Variants in TTN observed in about 807,000 individuals in gnomAD.
The protein encoded by TTN is connectin.
TTN carries 1,525 observed loss-of-function variants against 3,223.0 expected under a neutral mutation model. The observed-to-expected ratio is 0.47, with a 90% CI of 0.45 to 0.49. TTN has a LOEUF of 0.49. Ranked by LOEUF, TTN falls within the 20% of genes least tolerant of loss-of-function variation. The probability of loss-of-function intolerance (pLI) is 0.00; values close to 1 mark genes in which losing one functional copy is unlikely to be tolerated. For synonymous variants in TTN, 14,094 were observed against 15,161.0 expected (o/e 0.93, Z 5.17); for missense variants, 40,786 against 43,424.0 (o/e 0.94, Z 5.40).
intron 6 of TTN, chr2:178,799,144 G>C: frequency 3.3e-6 from 1 of 305,234 alleles, no homozygotes; most frequent in Non-Finnish European, 6.4e-6. Flanking sequence ...GGTCCCTAGC[G>C]AGGCCTGTGC....
intron 161 of TTN, 36 bp from the exon 162 acceptor site, chr2:178,667,355 G>A: frequency 6.4e-7 from 1 of 1,570,098 alleles, no homozygotes; most frequent in Non-Finnish European, 8.7e-7. Context: ...TTTAAAAGTT[G>A]TAAAAACAGT....
Position 178,792,148 on chromosome 2 carries a change from G to A in TTN, c.1586C>T (p.Ala529Val). ...AGTTTCTTGTTCTTTGGCTTTAGCT[G>A]CGGAAATTACTACCTTTGGTACAAA... ...KTFVPKVVIS[A>V]AKAKEQETRI... Residue 529 changes from alanine (A) to valine (V), a missense_variant, in exon 10 of 363, where the codon GCA becomes GTA. Coordinates refer to ENST00000589042, the MANE Select transcript of TTN (RefSeq NM_001267550.2). The A allele has an allele frequency of 6.2e-7, 1 of 1,611,876 alleles. No individual in the cohort carries two copies. Among genetic ancestry groups the A allele is most frequent in the Non-Finnish European group, 8.5e-7 (1 of 1,179,430 alleles).
Position 178,694,828 on chromosome 2 carries a change from C to A in TTN, c.31348+1G>T. 1.9e-6 allele frequency: 3 copies of A among 1,555,334 alleles called. No homozygotes were observed. Among genetic ancestry groups the A allele is most frequent in the Non-Finnish European group, 2.6e-6 (3 of 1,147,524 alleles). On this transcript the variant is annotated splice_donor_variant, in intron 116 of 362. Transcript: ENST00000589042. LOFTEE classifies it high-confidence loss of function. Reference sequence around the variant, plus strand: ...GGTGCTAGGAATGTTTTAAATAATACCTTTGGTGACTTGAACTTTTTCTTC... The same window carrying A: ...GGTGCTAGGAATGTTTTAAATAATAACTTTGGTGACTTGAACTTTTTCTTC...
intron 56 of TTN, 29 bp downstream of exon 56, chr2:178,732,411 C>G (rs1212886494): frequency 6.3e-7 from 1 of 1,585,778 alleles, no homozygotes; most frequent in Admixed American, 1.8e-5. Context: ...ACAAGGTTAG[C>G]ACAAAGATGT....
Position 178,593,082 on chromosome 2 carries a change from A to G in TTN, c.59037T>C (p.Ala19679=). The change falls in exon 300 of 363, where the codon GCT becomes GCC. Residue 19679 remains alanine (A), a splice_region_variant and synonymous_variant. Coordinates refer to ENST00000589042, the MANE Select transcript of TTN (RefSeq NM_001267550.2). ...SKPVFAKDPI[A]KPSPPVNPEA... The stretch of plus-strand genomic sequence containing the variant: ...CAGGATTAACAGGTGGACTTGGTTT[A>G]GCTAAAAAATAAAAGTAAAAAACGA... 6.2e-7 allele frequency: 1 copy of G among 1,611,412 alleles called. No individual in the cohort carries two copies. The highest frequency in any genetic ancestry group is 8.5e-7 in the Non-Finnish European group (1 of 1,179,140).
Position 178,565,859 on chromosome 2 carries a change from A to C in TTN, c.80273T>G (p.Met26758Arg). The C allele has an allele frequency of 6.2e-7, 1 of 1,613,642 alleles. No individual in the cohort carries two copies. The highest frequency in any genetic ancestry group is 1.1e-5 in the South Asian group (1 of 91,068). Reference protein sequence around the residue: ...TEGAIYYFRVMAENEFGVGVP... With the variant: ...TEGAIYYFRVRAENEFGVGVP... ...ACCAACTCCAAATTCATTTTCAGCC[A>C]TGACTCTGAAGTAATAAATGGCTCC... Residue 26758 changes from methionine to arginine, a missense_variant, in exon 326 of 363, where the codon ATG becomes AGG. Coordinates refer to ENST00000589042, the MANE Select transcript of TTN (RefSeq NM_001267550.2).
At chr2:178,734,652 T>G (rs1166141559) in intron 51 of TTN, 46 bp from the exon 52 acceptor site, 3 of 1,565,762 alleles carry the variant, frequency 1.9e-6, no homozygotes, top group African/African-American at 1.4e-5. Context: ...TAATAAGTAA[T>G]TAAAAGGGAA....
At chr2:178,745,262 C>A (rs1574145433) in intron 47 of TTN, 5 of 1,163,426 alleles carry the variant, frequency 4.3e-6, no homozygotes, top group South Asian at 4.7e-5. Flanking sequence ...AAAGAGAGTC[C>A]ATTCCACTGA....
rs757317543 is a variant in TTN, at chr2:178,536,187, A to G, written c.100560T>C (p.Thr33520=). 6.2e-7 allele frequency: 1 copy of G among 1,613,558 alleles called. No homozygotes were observed. The highest frequency in any genetic ancestry group is 2.2e-5 in the East Asian group (1 of 44,854). ...QSNATLVCKV[T]GHPKPIVKWY... ...ATTTGACGATAGGTTTTGGATGACC[A>G]GTCACTTTGCAGACCAAGGTAGCAT... The change falls in exon 357 of 363, where the codon ACT becomes ACC. Residue 33520 remains threonine, a synonymous_variant. Transcript: ENST00000589042.
Position 178,633,953 on chromosome 2 carries a change from A to G in TTN, c.42546T>C (p.His14182=). 6.2e-7 allele frequency: 1 copy of G among 1,613,390 alleles called. No homozygotes were observed. The highest frequency in any genetic ancestry group is 8.5e-7 in the Non-Finnish European group (1 of 1,179,542). Residue 14182 remains histidine (H), a synonymous_variant, in exon 231 of 363, where the codon CAT becomes CAC. Transcript: ENST00000589042. The part of the protein sequence containing the change: ...VVWFKNDAKL[H]TSRTVLISSE... ...AAGAGATGAGTACTGTTCTGCTTGT[A>G]TGGAGTTTGGCATCATTTTTGAACC...
At chr2:178,663,792 C>A in intron 170 of TTN, 27 bp downstream of exon 170, 1 of 1,613,160 alleles carries the variant, frequency 6.2e-7, no homozygotes, top group South Asian at 1.1e-5. Context: ...AGAATGAGAT[C>A]TGAAGCCTAA....
At chr2:178,724,790 A>G in intron 71 of TTN, 1 of 330,888 alleles carries the variant, frequency 3.0e-6, no homozygotes, top group East Asian at 4.9e-5. Context: ...CTTATGTAGC[A>G]ATTATTCTTA....
At position 178,732,434 on chromosome 2, in the gene TTN, G is replaced by A. The variant is rs1368500221; in HGVS notation, c.16621+6C>T. On this transcript the variant is annotated splice_donor_region_variant and intron_variant, in intron 56 of 362. Coordinates refer to ENST00000589042, the MANE Select transcript of TTN (RefSeq NM_001267550.2). ...AGCACAAAGATGTCAAGAAAACAAT[G>A]CAAACCTTTTACAAACAAGTTTGCA... 1.3e-6 allele frequency: 2 copies of A among 1,595,852 alleles called. No individual in the cohort carries two copies. The highest frequency in any genetic ancestry group is 2.7e-5 in the African/African-American group (2 of 74,034).
chr2:178,539,723 C>T lies in TTN; in HGVS notation c.98342G>A (p.Cys32781Tyr), dbSNP rs1252559965. ...GTYDLVLENK[C>Y]GKKAVYIKVR... ...CTTGATGTAGACAGCCTTCTTGCCA[C>T]ATTTATTTTCCAGAACCAGGTCATA... is the stretch of plus-strand genomic sequence containing the variant. Residue 32781 changes from cysteine (C) to tyrosine (Y), a missense_variant, in exon 352 of 363, where the codon TGT becomes TAT. Transcript: ENST00000589042. 4.3e-6 allele frequency: 7 copies of T among 1,613,694 alleles called. No homozygotes were observed. Among genetic ancestry groups the T allele is most frequent in the Non-Finnish European group, 5.9e-6 (7 of 1,179,784 alleles).
chr2:178,544,262 G>C lies in TTN; in HGVS notation c.95967C>G (p.Asn31989Lys), dbSNP rs775762346. 5 of 1,613,600 alleles carry C rather than the reference G, an allele frequency of 3.1e-6. No homozygotes were observed. Among genetic ancestry groups the C allele is most frequent in the Non-Finnish European group, 4.2e-6 (5 of 1,179,740 alleles). ...QKYSFRVAAV[N>K]VKGMSEYSES... The stretch of plus-strand genomic sequence containing the variant: ...CGCTGTATTCGCTCATACCCTTCAC[G>C]TTCACGGCAGCAACTCTGAAGGAAT... Residue 31989 changes from asparagine to lysine, a missense_variant, in exon 345 of 363, where the codon AAC becomes AAG. By Grantham distance (94) the Asn-to-Lys change is moderately conservative. Coordinates refer to ENST00000589042, the MANE Select transcript of TTN (RefSeq NM_001267550.2).
At chr2:178,765,634 C>A (rs2090237350) in intron 41 of TTN, among the ~76,000 whole-genome samples, 1 of 152,154 alleles carries the variant, frequency 6.6e-6, no homozygotes, top group African/African-American at 2.4e-5. Flanking sequence ...CTTGAGATTA[C>A]CCCTGGAGTT....
chr2:178,696,271 T>C lies in TTN; in HGVS notation c.30803-2A>G, dbSNP rs869312089. On this transcript the variant is annotated splice_acceptor_variant, in intron 113 of 362. Transcript: ENST00000589042. LOFTEE classifies it high-confidence loss of function. ...AGGATACATCAATGATTTCAGGAGC[T>C]AAAATAGATAAAGATACTATTAGCA... 5.9e-6 allele frequency: 9 copies of C among 1,520,030 alleles called. No homozygotes were observed. The highest frequency in any genetic ancestry group is 7.9e-6 in the Non-Finnish European group (9 of 1,138,862). The allele number at this position is 1,520,030 out of a possible 1,614,324, so 94.2% of individuals were successfully genotyped here. A position where few individuals can be genotyped will look rare whatever the true frequency, so the allele number is the denominator to read the frequency against.
At position 178,710,624 on chromosome 2, in the gene TTN, A is replaced by G. The variant is rs563062273; in HGVS notation, c.28462+11T>C. ...ACACTTTTGTTGGACCACTTGCAAA[A>G]TAAACGATACCTTTTATATTCAGCT... On this transcript the variant is annotated intron_variant, in intron 98 of 362. Coordinates refer to ENST00000589042, the MANE Select transcript of TTN (RefSeq NM_001267550.2). The G allele has an allele frequency of 8.0e-5, 127 of 1,592,934 alleles. No individual in the cohort carries two copies. The East Asian group carries it at 2.8e-3, about 35-fold the overall frequency.
rs767956788 is a variant in TTN, at chr2:178,574,898, G to T, written c.71234C>A (p.Thr23745Asn). The change falls in exon 326 of 363, where the codon ACC (threonine) becomes AAC (asparagine). Residue 23745 changes from threonine (T) to asparagine (N), a missense_variant. Coordinates refer to ENST00000589042, the MANE Select transcript of TTN (RefSeq NM_001267550.2). Reference protein sequence around the residue: ...KFDEVSSDFVTFSWDPPENDG... With the variant: ...KFDEVSSDFVNFSWDPPENDG... ...GTTCTCAGGTGGGTCCCAAGAGAAG[G>T]TTACAAAATCAGATGAAACTTCATC... is the stretch of plus-strand genomic sequence containing the variant. 2.0e-5 allele frequency: 32 copies of T among 1,612,724 alleles called. No individual in the cohort carries two copies. The highest frequency in any genetic ancestry group is 2.5e-5 in the Non-Finnish European group (29 of 1,179,430).
Sources: gnomAD v4.1 joint callset for allele counts (sites outside exome capture counted in the v4.1 genomes callset) on GRCh38, gnomAD v4.1.1 for gene constraint, MANE v1.5 for transcripts, NCBI Gene and HGNC (gene_info 2026-07-23, HGNC 2026-07-21) for gene names.